Variants in CERCAM observed in about 807,000 individuals in gnomAD.
The protein encoded by CERCAM is cerebral endothelial cell adhesion molecule.
Under a neutral mutation model 66.0 loss-of-function variants are expected in CERCAM, and 59 were observed. The observed-to-expected ratio is 0.89, with a 90% CI of 0.73 to 1.11. CERCAM has a LOEUF of 1.11. CERCAM is among the 50% of genes most tolerant of loss of function. The pLI, the probability that CERCAM is intolerant of heterozygous loss-of-function variation, is 0.00. For missense variants in CERCAM, 840 were observed against 828.3 expected (o/e 1.01, Z -0.17); for synonymous variants, 318 against 343.6 (o/e 0.93, Z 0.83).
chr9:128,425,319 T>G (rs1312920117), intron 5 of CERCAM, among the ~76,000 whole-genome samples: 3 of 151,784 alleles, frequency 2.0e-5, no homozygotes, highest in African/African-American at 7.3e-5. Context: ...CCTCCCAAAG[T>G]GCTGGGATTA....
Position 128,421,041 on chromosome 9 carries a change from G to T in CERCAM, c.164G>T (p.Arg55Leu), listed in dbSNP as rs750759981. The T allele has an allele frequency of 2.1e-6, 3 of 1,405,230 alleles. No individual in the cohort carries two copies. In the South Asian group the frequency reaches 4.5e-5, roughly 21 times the overall value. The allele number at this position is 1,405,230 out of a possible 1,614,324, so 87.0% of individuals were successfully genotyped here. A position where few individuals can be genotyped will look rare whatever the true frequency, so the allele number is the denominator to read the frequency against. ...CCCCACTACCTGGGCGCTCTGGAGC[G>T]GCTGGACTACCCCCGGGCCAGGATG... ...SLPHYLGALE[R>L]LDYPRARMAL... Residue 55 changes from arginine to leucine, a missense_variant, in exon 1 of 13, where the codon CGG (arginine) becomes CTG (leucine). Transcript: ENST00000372838.
intron 11 of CERCAM, among the ~76,000 whole-genome samples, chr9:128,435,255 C>T (rs1834080528): frequency 1.3e-5 from 2 of 152,114 alleles, no homozygotes; most frequent in Non-Finnish European, 2.9e-5. Context: ...CCTGGGCCTC[C>T]CAAAGTGCCG....
chr9:128,425,713 G>C (rs1267085653), intron 5 of CERCAM, among the ~76,000 whole-genome samples: 1 of 150,550 alleles, frequency 6.6e-6, no homozygotes, highest in Non-Finnish European at 1.5e-5. Flanking sequence ...GTTTCTCCGT[G>C]TTGGTCAGCC....
chr9:128,421,085 C>T lies in CERCAM; in HGVS notation c.197+11C>T, dbSNP rs533441553. On this transcript the variant is annotated intron_variant, in intron 1 of 12. Transcript: ENST00000372838. Reference sequence around the variant, plus strand: ...CAGGATGGCCCTCTGGTGAGAGACCCGGGCATTGGCACCGAGTGGGCACCT... The same window carrying T: ...CAGGATGGCCCTCTGGTGAGAGACCTGGGCATTGGCACCGAGTGGGCACCT... 2.4e-4 allele frequency: 313 copies of T among 1,286,714 alleles called. No individual in the cohort carries two copies. The African/African-American group carries it at 3.2e-3, about 13-fold the overall frequency. 79.7% of individuals were successfully genotyped at this position (1,286,714 alleles called of 1,614,324 possible).
intron 5 of CERCAM, among the ~76,000 whole-genome samples, chr9:128,426,756 T>C (rs567200290): frequency 6.6e-6 from 1 of 152,294 alleles, no homozygotes; most frequent in South Asian, 2.1e-4. Flanking sequence ...AGAAGAACTT[T>C]GCAGGTGCTC....
Position 128,434,716 on chromosome 9 carries a change from G to A in CERCAM, c.1535+103G>A. On this transcript the variant is annotated intron_variant, in intron 11 of 12. Coordinates refer to ENST00000372838, the MANE Select transcript of CERCAM (RefSeq NM_016174.5). This position sits in a 1 kb window ranked among gnomAD's most constrained non-coding sequence, Gnocchi z 4.5. The stretch of plus-strand genomic sequence containing the variant: ...CCCTCACCTGGCAGATGGGGAGACT[G>A]GGACTGGCAAGGCCAAGCCACTTGG... 8.1e-7 allele frequency: 1 copy of A among 1,232,406 alleles called. No individual in the cohort carries two copies. The highest frequency in any genetic ancestry group is 1.1e-6 in the Non-Finnish European group (1 of 888,064). The allele number at this position is 1,232,406 out of a possible 1,614,324, so 76.3% of individuals were successfully genotyped here.
intron 9 of CERCAM, among the ~76,000 whole-genome samples, chr9:128,433,053 G>A (rs1315906615): frequency 6.6e-6 from 1 of 152,114 alleles, no homozygotes; most frequent in African/African-American, 2.4e-5. Context: ...GCCGAGGCGG[G>A]TGGATCACGA....
At chr9:128,424,843 T>C (rs1046932479) in intron 5 of CERCAM, among the ~76,000 whole-genome samples, 1 of 150,594 alleles carries the variant, frequency 6.6e-6, no homozygotes, top group Non-Finnish European at 1.5e-5. Context: ...TGCCTCAGCT[T>C]CCCGAGTAGC....
intron 3 of CERCAM, 144 bp from the exon 4 acceptor site, chr9:128,423,994 T>G (rs1588615655): frequency 1.2e-6 from 1 of 852,080 alleles, no homozygotes; most frequent in East Asian, 2.4e-5. Context: ...CAGAAACAGA[T>G]GTACTGAGTT....
rs946402294 is a variant in CERCAM at position 128,423,980 on chromosome 9, G to A, written c.427-158G>A. 9.1e-6 allele frequency: 7 copies of A among 773,292 alleles called. No individual in the cohort carries two copies. The Admixed American group carries it at 1.7e-4, about 19-fold the overall frequency. The allele number at this position is 773,292 out of a possible 1,614,324, so 47.9% of individuals were successfully genotyped here. A position where few individuals can be genotyped will look rare whatever the true frequency, so the allele number is the denominator to read the frequency against. ...AGTCAGTGCCCCAGACTAGAGCCTT[G>A]GTCCAGAAACAGATGTACTGAGTTT... On this transcript the variant is annotated intron_variant, in intron 3 of 12. Coordinates refer to ENST00000372838, the MANE Select transcript of CERCAM (RefSeq NM_016174.5).
intron 5 of CERCAM, 83 bp downstream of exon 5, chr9:128,424,697 C>T: frequency 7.9e-7 from 1 of 1,261,354 alleles, no homozygotes. Flanking sequence ...CATGCCCTTC[C>T]CTACTCTGCA....
chr9:128,426,698 G>A (rs960871470), intron 5 of CERCAM, among the ~76,000 whole-genome samples: 1 of 152,106 alleles, frequency 6.6e-6, no homozygotes, highest in Non-Finnish European at 1.5e-5. Context: ...TCTTGAGAAG[G>A]CTGCAGAGAA....
At chr9:128,421,100 A>T in intron 1 of CERCAM, 26 bp downstream of exon 1, 1 of 1,276,040 alleles carries the variant, frequency 7.8e-7, no homozygotes, top group Non-Finnish European at 9.9e-7. Context: ...ATTGGCACCG[A>T]GTGGGCACCT....
At chr9:128,429,770 C>A (rs1034574211) in intron 8 of CERCAM, among the ~76,000 whole-genome samples, 1 of 151,878 alleles carries the variant, frequency 6.6e-6, no homozygotes, top group African/African-American at 2.4e-5. Context: ...TGCACTATCA[C>A]ATCCAGCTAA....
At chr9:128,424,384 C>T (rs369550752) in intron 4 of CERCAM, 26 bp from the exon 5 acceptor site, 6 of 1,613,518 alleles carry the variant, frequency 3.7e-6, no homozygotes, top group Non-Finnish European at 5.1e-6. Flanking sequence ...AGCCCTCTCA[C>T]AGCCCAAAGC....
At chr9:128,435,227 C>T (rs151004774) in intron 11 of CERCAM, among the ~76,000 whole-genome samples, 2,361 of 152,162 alleles carry the variant, frequency 0.016, 61 homozygotes, top group African/African-American at 0.054. Context: ...AACTCCTTGA[C>T]CTCAAGTGAT....
At chr9:128,433,636 G>A (rs1041359672) in intron 9 of CERCAM, among the ~76,000 whole-genome samples, 1 of 146,550 alleles carries the variant, frequency 6.8e-6, no homozygotes, top group African/African-American at 2.5e-5. Flanking sequence ...GTGAAACTTC[G>A]TCTCAAAAAA....
At chr9:128,433,833 T>TA (rs1302187239) in intron 9 of CERCAM, among the ~76,000 whole-genome samples, 2 of 152,162 alleles carry the variant, frequency 1.3e-5, no homozygotes, top group African/African-American at 4.8e-5. Flanking sequence ...CCCCTGCAGA[T>TA]ACGCAGTGGC....
intron 1 of CERCAM, 187 bp downstream of exon 1, chr9:128,421,261 C>T (rs553730325): frequency 5.7e-6 from 7 of 1,235,086 alleles, no homozygotes; most frequent in East Asian, 3.2e-5. Flanking sequence ...TGGGAGACGA[C>T]AGACCTCTGA....
Sources: allele counts gnomAD v4.1 joint callset (sites outside exome capture counted in the v4.1 genomes callset), GRCh38; gene constraint gnomAD v4.1.1; non-coding constraint Gnocchi (gnomAD v3.1); transcripts MANE v1.5; gene names NCBI Gene and HGNC (gene_info 2026-07-23, HGNC 2026-07-21).